Variants in DAB1 observed in about 807,000 individuals in gnomAD.
The protein encoded by DAB1 is disabled homolog 1.
Under a neutral mutation model 64.6 loss-of-function variants are expected in DAB1, and 15 were observed. The observed-to-expected ratio is 0.23, with a 90% CI of 0.16 to 0.36. The LOEUF (loss-of-function observed/expected upper bound fraction) is 0.36. Among genes scored for constraint, DAB1 ranks in the 10% least tolerant of loss-of-function variants. DAB1 has a pLI of 1.00. For synonymous variants in DAB1, 235 were observed against 251.9 expected (o/e 0.93, Z 0.64); for missense variants, 596 against 706.7 (o/e 0.84, Z 1.78).
At chr1:57,748,698 T>C (rs768501635) in intron 6 of DAB1, among the ~76,000 whole-genome samples, 1 of 152,132 alleles carries the variant, frequency 6.6e-6, no homozygotes, top group Non-Finnish European at 1.5e-5. Context: ...CCCTACCACC[T>C]TAGGGAGAGG....
chr1:57,972,684 C>T (rs79615417), intron 5 of DAB1, among the ~76,000 whole-genome samples: 3,112 of 152,314 alleles, frequency 0.02, 119 homozygotes, highest in African/African-American at 0.071. Context: ...CAGGATCTGA[C>T]ACCAACTGGA....
At chr1:57,206,278 C>G (rs1182103688) in intron 2 of DAB1, among the ~76,000 whole-genome samples, 2 of 152,152 alleles carry the variant, frequency 1.3e-5, no homozygotes, top group Non-Finnish European at 2.9e-5. Context: ...AGGAGAACCT[C>G]CCTCCACAGC....
At chr1:57,378,565 A>G (rs1681095115) in intron 1 of DAB1, among the ~76,000 whole-genome samples, 1 of 152,208 alleles carries the variant, frequency 6.6e-6, no homozygotes, top group South Asian at 2.1e-4. Context: ...GCTGTATAAG[A>G]TATTAAGTTA....
intron 5 of DAB1, among the ~76,000 whole-genome samples, chr1:57,955,426 C>T (rs1462025864): frequency 6.6e-6 from 1 of 152,172 alleles, no homozygotes; most frequent in Non-Finnish European, 1.5e-5. Flanking sequence ...GTCAAGCCCA[C>T]ATGCAAGAGC....
At chr1:57,653,289 AAT>A (rs1217207660) in intron 6 of DAB1, among the ~76,000 whole-genome samples, 1 of 152,238 alleles carries the variant, frequency 6.6e-6, no homozygotes, top group Non-Finnish European at 1.5e-5. Context: ...ATTCATAAAC[AAT>A]ATATGTTACT....
intron 4 of DAB1, among the ~76,000 whole-genome samples, chr1:57,109,085 G>A (rs1006919884): frequency 6.6e-6 from 1 of 152,128 alleles, no homozygotes; most frequent in African/African-American, 2.4e-5. Flanking sequence ...TCTGTATTTG[G>A]CATATGAATT....
intron 9 of DAB1, among the ~76,000 whole-genome samples, chr1:57,048,979 A>G (rs1051023116): frequency 3.9e-5 from 6 of 152,224 alleles, no homozygotes; most frequent in African/African-American, 1.4e-4. Flanking sequence ...TTTAACAGCG[A>G]GTCTTTTACA....
chr1:57,725,382 C>T (rs1029908058), intron 6 of DAB1, among the ~76,000 whole-genome samples: 2 of 152,180 alleles, frequency 1.3e-5, no homozygotes, highest in South Asian at 2.1e-4. Context: ...AACCCGGAGT[C>T]GTGATGGTGT....
Position 57,197,395 on chromosome 1 carries a change from T to C in DAB1, c.68-51966A>G, listed in dbSNP as rs536213156. 7.2e-5 allele frequency among the ~76,000 whole-genome samples: 11 copies of C among 151,928 alleles called. No individual in the cohort carries two copies. In the South Asian group the frequency reaches 1.9e-3, roughly 26 times the overall value. On this transcript the variant is annotated intron_variant, in intron 2 of 14. Coordinates refer to ENST00000371236, the MANE Select transcript of DAB1 (RefSeq NM_001365792.1). ...CAAAAACTTGACCGAAACCACATGA[T>C]GAAATGCAGCATTTTAACTATGAAC...
At chr1:58,140,487 AT>A (rs966833575) in intron 5 of DAB1, among the ~76,000 whole-genome samples, 8 of 152,238 alleles carry the variant, frequency 5.3e-5, no homozygotes, top group South Asian at 2.1e-4. Context: ...ACCAAGTGAA[AT>A]TGCTTCCCTT....
intron 6 of DAB1, among the ~76,000 whole-genome samples, chr1:57,699,837 CG>C (rs1412504603): frequency 1.3e-5 from 2 of 152,038 alleles, no homozygotes; most frequent in African/African-American, 4.8e-5. Context: ...CACTTGATCC[CG>C]GGAGGCGGAG....
At chr1:57,477,740 G>C (rs1455216914) in intron 7 of DAB1, among the ~76,000 whole-genome samples, 1 of 152,092 alleles carries the variant, frequency 6.6e-6, no homozygotes, top group Non-Finnish European at 1.5e-5. Flanking sequence ...TCACTCTGGT[G>C]GTGATGTGTA....
At chr1:57,435,869 T>C (rs920668577) in intron 7 of DAB1, among the ~76,000 whole-genome samples, 2 of 151,894 alleles carry the variant, frequency 1.3e-5, no homozygotes, top group Admixed American at 6.6e-5. Flanking sequence ...AAGCATTAAA[T>C]ATTATGTGCT....
chr1:58,130,895 T>C (rs1653510328), intron 5 of DAB1, among the ~76,000 whole-genome samples: 1 of 151,876 alleles, frequency 6.6e-6, no homozygotes, highest in African/African-American at 2.4e-5. Context: ...TTAACATTTT[T>C]TCCTTCATTT....
At chr1:58,278,057 T>G (rs1661492882) in intron 4 of DAB1, among the ~76,000 whole-genome samples, 1 of 152,238 alleles carries the variant, frequency 6.6e-6, no homozygotes, top group Admixed American at 6.5e-5. Flanking sequence ...ATTTGAAAGC[T>G]GATATGGATT....
At position 57,358,037 on chromosome 1, in the gene DAB1, A is replaced by C. The variant is rs186238160; in HGVS notation, c.-137+65893T>G. On this transcript the variant is annotated intron_variant, in intron 1 of 14. Transcript: ENST00000371236. ...CTACTGAAATTGTTTATTAGCTCTA[A>C]CAGTTTTTTGGTAGAGTCTTTAGGG... 5.9e-5 allele frequency among the ~76,000 whole-genome samples: 9 copies of C among 152,136 alleles called. No homozygotes were observed. The East Asian group carries it at 7.7e-4, about 13-fold the overall frequency.
intron 1 of DAB1, among the ~76,000 whole-genome samples, chr1:57,361,377 G>T (rs754818983): frequency 5.9e-5 from 9 of 152,122 alleles, no homozygotes; most frequent in Non-Finnish European, 1.2e-4. Flanking sequence ...GACCACATAT[G>T]TATGTAACAT....
chr1:58,150,837 C>G (rs987313319), intron 4 of DAB1, among the ~76,000 whole-genome samples: 6 of 152,082 alleles, frequency 3.9e-5, no homozygotes, highest in Non-Finnish European at 5.9e-5. Context: ...TTCCCTCCCC[C>G]CACCGTCCCC....
chr1:57,710,072 A>G (rs1647010254), intron 6 of DAB1, among the ~76,000 whole-genome samples: 1 of 152,066 alleles, frequency 6.6e-6, no homozygotes, highest in Non-Finnish European at 1.5e-5. Flanking sequence ...CTATCTTCCT[A>G]AATAATTTTT....
Sources: allele counts gnomAD v4.1 joint callset (sites outside exome capture counted in the v4.1 genomes callset), GRCh38; gene constraint gnomAD v4.1.1; transcripts MANE v1.5; gene names NCBI Gene and HGNC (gene_info 2026-07-23, HGNC 2026-07-21).